The following NKAIN3 variants were observed in gnomAD, a reference collection of about 807,000 sequenced individuals.
The protein encoded by NKAIN3 is sodium/potassium-transporting ATPase subunit beta-1-interacting protein 3.
NKAIN3 carries 25 observed loss-of-function variants against 30.2 expected under a neutral mutation model. The observed-to-expected ratio is 0.83, with a 90% CI of 0.60 to 1.16. The LOEUF is 1.16. Among genes scored for constraint, NKAIN3 ranks in the 50% most tolerant of loss-of-function variants. NKAIN3 has a pLI of 0.00. For missense variants in NKAIN3, 225 were observed against 254.1 expected, an observed-to-expected ratio of 0.89 and a Z score of 0.78; for synonymous variants, 91 against 89.6, an observed-to-expected ratio of 1.02 and a Z score of -0.09.
At chr8:62,513,394 C>T (rs1234757015) in intron 1 of NKAIN3, among the ~76,000 whole-genome samples, 1 of 151,784 alleles carries the variant, frequency 6.6e-6, no homozygotes, top group African/African-American at 2.4e-5. Context: ...ATCAAACAAT[C>T]ACAAAAACAT....
intron 1 of NKAIN3, among the ~76,000 whole-genome samples, chr8:62,365,784 T>C (rs1816718767): frequency 6.6e-6 from 1 of 152,114 alleles, no homozygotes; most frequent in Admixed American, 6.5e-5. Flanking sequence ...AATTTTTTTT[T>C]TAATCTTTTG....
intron 1 of NKAIN3, among the ~76,000 whole-genome samples, chr8:62,359,479 G>T (rs974540180): frequency 5.9e-5 from 9 of 152,190 alleles, no homozygotes; most frequent in African/African-American, 2.2e-4. Flanking sequence ...TGGGAGGGAG[G>T]TTTGAACCTG....
intron 4 of NKAIN3, among the ~76,000 whole-genome samples, chr8:62,900,951 G>A (rs1322528813): frequency 2.6e-5 from 4 of 152,114 alleles, no homozygotes; most frequent in Non-Finnish European, 2.9e-5. Context: ...AACGCTGTTG[G>A]CAAGAGTGGC....
intron 1 of NKAIN3, among the ~76,000 whole-genome samples, chr8:62,312,096 T>C (rs1814459263): frequency 6.6e-6 from 1 of 150,406 alleles, no homozygotes; most frequent in Admixed American, 6.6e-5. Context: ...GAATGTTCTA[T>C]GGGGGAAGTA....
chr8:62,798,843 G>A (rs567349838), intron 4 of NKAIN3, among the ~76,000 whole-genome samples: 36 of 152,246 alleles, frequency 2.4e-4, no homozygotes, highest in African/African-American at 8.2e-4. Flanking sequence ...CAAAAATGTT[G>A]AAAGGAAAGG....
chr8:62,493,277 G>A (rs1807131218), intron 1 of NKAIN3, among the ~76,000 whole-genome samples: 2 of 152,084 alleles, frequency 1.3e-5, no homozygotes, highest in African/African-American at 4.8e-5. Flanking sequence ...TTATTGAATA[G>A]GGACTCCTTT....
At chr8:62,433,653 G>A (rs1040067926) in intron 1 of NKAIN3, among the ~76,000 whole-genome samples, 11 of 152,088 alleles carry the variant, frequency 7.2e-5, no homozygotes, top group African/African-American at 2.4e-4. Context: ...ATAGGTTGAT[G>A]CAAGAGTAAT....
At chr8:62,885,159 A>G (rs1182639534) in intron 4 of NKAIN3, among the ~76,000 whole-genome samples, 1 of 152,198 alleles carries the variant, frequency 6.6e-6, no homozygotes, top group Non-Finnish European at 1.5e-5. Flanking sequence ...TTCTCTGCAT[A>G]TCACAAATTT....
intron 1 of NKAIN3, among the ~76,000 whole-genome samples, chr8:62,507,641 A>T (rs1807684461): frequency 6.6e-6 from 1 of 151,944 alleles, no homozygotes; most frequent in Non-Finnish European, 1.5e-5. Flanking sequence ...CTCTCTTTGT[A>T]AAAAAAATGG....
At chr8:62,359,882 A>C (rs1047046237) in intron 1 of NKAIN3, among the ~76,000 whole-genome samples, 2 of 152,202 alleles carry the variant, frequency 1.3e-5, no homozygotes, top group Non-Finnish European at 2.9e-5. Context: ...ATGGATGGGA[A>C]CATCCTTGGT....
intron 3 of NKAIN3, among the ~76,000 whole-genome samples, chr8:62,730,440 A>G (rs1238997958): frequency 6.6e-6 from 1 of 152,066 alleles, no homozygotes; most frequent in Non-Finnish European, 1.5e-5. Flanking sequence ...TGCTCAGCTC[A>G]TTAATTTCAG....
chr8:62,614,664 C>G (rs1013827797), intron 3 of NKAIN3, among the ~76,000 whole-genome samples: 10 of 152,136 alleles, frequency 6.6e-5, no homozygotes, highest in African/African-American at 2.4e-4. Context: ...AGAAAACTTA[C>G]AAATCTACCT....
intron 3 of NKAIN3, among the ~76,000 whole-genome samples, chr8:62,719,949 A>G (rs1041465699): frequency 6.6e-6 from 1 of 151,650 alleles, no homozygotes; most frequent in Non-Finnish European, 1.5e-5. Context: ...AGTAGAGACG[A>G]GGTTTCACCG....
At chr8:62,911,535 T>C (rs1177028481) in intron 4 of NKAIN3, among the ~76,000 whole-genome samples, 1 of 152,128 alleles carries the variant, frequency 6.6e-6, no homozygotes, top group African/African-American at 2.4e-5. Context: ...TCTGTTACTA[T>C]CCTTCTCCTT....
intron 1 of NKAIN3, among the ~76,000 whole-genome samples, chr8:62,452,407 C>T (rs914756877): frequency 2.6e-5 from 4 of 152,010 alleles, no homozygotes; most frequent in East Asian, 1.9e-4. Context: ...ATCTGGGAGG[C>T]GGAGGATGCA....
chr8:62,801,539 C>G (rs1818063089), intron 4 of NKAIN3, among the ~76,000 whole-genome samples: 1 of 152,200 alleles, frequency 6.6e-6, no homozygotes, highest in African/African-American at 2.4e-5. Flanking sequence ...CAAACTCCAA[C>G]AGACCTGCAG....
intron 1 of NKAIN3, among the ~76,000 whole-genome samples, chr8:62,542,201 G>T (rs1450297804): frequency 6.6e-6 from 1 of 152,146 alleles, no homozygotes; most frequent in Non-Finnish European, 1.5e-5. Context: ...AGATTTTTGT[G>T]TAACCCTCTA....
chr8:62,390,171 T>C, intron 1 of NKAIN3, among the ~76,000 whole-genome samples: 1 of 152,160 alleles, frequency 6.6e-6, no homozygotes, highest in East Asian at 1.9e-4. Context: ...CCATTAGTTA[T>C]TCTTCCTGAT....
At chr8:62,472,988 A>AAC (rs1226088955) in intron 1 of NKAIN3, among the ~76,000 whole-genome samples, 1 of 152,230 alleles carries the variant, frequency 6.6e-6, no homozygotes, top group Non-Finnish European at 1.5e-5. Context: ...TGTGCTTTAA[A>AAC]ACATTCACTG....
Sources: gnomAD v4.1 joint callset for allele counts (sites outside exome capture counted in the v4.1 genomes callset) on GRCh38, gnomAD v4.1.1 for gene constraint, MANE v1.5 for transcripts, NCBI Gene and HGNC (gene_info 2026-07-23, HGNC 2026-07-21) for gene names.